KAZN: variants seen among roughly 807,000 people sequenced by gnomAD.
KAZN encodes kazrin.
KAZN carries 40 observed loss-of-function variants against 87.4 expected under a neutral mutation model. The observed-to-expected ratio is 0.46, with a 90% CI of 0.36 to 0.60. The LOEUF is 0.60. Ranked by LOEUF, KAZN falls within the 20% of genes least tolerant of loss-of-function variation. The pLI, the probability that KAZN is intolerant of heterozygous loss-of-function variation, is 0.00. For synonymous variants in KAZN, 466 were observed against 458.3 expected, an observed-to-expected ratio of 1.02 and a Z score of -0.22; for missense variants, 898 against 1,073.9, an observed-to-expected ratio of 0.84 and a Z score of 2.29.
intron 1 of KAZN, among the ~76,000 whole-genome samples, chr1:14,175,306 T>C (rs1814188): frequency 0.13 from 20,527 of 152,168 alleles, 1,512 homozygotes; most frequent in East Asian, 0.33. Context: ...GGTTTCACCG[T>C]GTTAGCCAGG....
chr1:13,900,480 C>A (rs1557708602), intron 1 of KAZN, among the ~76,000 whole-genome samples: 1 of 152,168 alleles, frequency 6.6e-6, no homozygotes, highest in African/African-American at 2.4e-5. Flanking sequence ...GAAGTTCCTA[C>A]AAGTTGCTTA....
chr1:15,001,340 T>C (rs191537103), intron 2 of KAZN, among the ~76,000 whole-genome samples: 44 of 149,772 alleles, frequency 2.9e-4, no homozygotes, highest in African/African-American at 1.1e-3. Flanking sequence ...CTGGGTGTGG[T>C]GACTCACATC....
intron 1 of KAZN, among the ~76,000 whole-genome samples, chr1:14,805,762 A>AAATAAT (rs146219963): frequency 0.027 from 3,796 of 142,922 alleles, 61 homozygotes; most frequent in East Asian, 0.083. Flanking sequence ...CCCCATCTCA[A>AAATAAT]AATAATAATA....
chr1:14,984,723 C>T (rs1215548419), intron 2 of KAZN, among the ~76,000 whole-genome samples: 3 of 152,168 alleles, frequency 2.0e-5, no homozygotes, highest in Non-Finnish European at 4.4e-5. Context: ...AACTAGAGCC[C>T]TTTGTCCTTC....
intron 1 of KAZN, among the ~76,000 whole-genome samples, chr1:14,824,830 G>A (rs1429065545): frequency 6.6e-6 from 1 of 152,170 alleles, no homozygotes; most frequent in Non-Finnish European, 1.5e-5. Flanking sequence ...CTGACACTTG[G>A]TGGCAGAGAA....
At chr1:14,730,115 G>T (rs1318093398) in intron 1 of KAZN, among the ~76,000 whole-genome samples, 1 of 152,054 alleles carries the variant, frequency 6.6e-6, no homozygotes, top group Non-Finnish European at 1.5e-5. Flanking sequence ...ACAGAGTCTA[G>T]CTCTGTTGCC....
chr1:14,584,158 C>A (rs558250193), intron 2 of KAZN, among the ~76,000 whole-genome samples: 1 of 152,248 alleles, frequency 6.6e-6, no homozygotes, highest in Non-Finnish European at 1.5e-5. Context: ...GGTGGGACCA[C>A]CAACCCAGTT....
At chr1:14,630,666 C>T (rs1224259857) in intron 1 of KAZN, among the ~76,000 whole-genome samples, 4 of 152,194 alleles carry the variant, frequency 2.6e-5, no homozygotes, top group Non-Finnish European at 4.4e-5. Flanking sequence ...AAATGTAAGG[C>T]ATGTGCATTA....
intron 1 of KAZN, among the ~76,000 whole-genome samples, chr1:14,056,050 T>C (rs1005611599): frequency 1.3e-5 from 2 of 152,182 alleles, no homozygotes; most frequent in Non-Finnish European, 2.9e-5. Flanking sequence ...ACTCATAATC[T>C]ACCTCCTCCC....
At chr1:14,478,248 A>AGG (rs1364134768) in intron 2 of KAZN, among the ~76,000 whole-genome samples, 2 of 113,024 alleles carry the variant, frequency 1.8e-5, no homozygotes, top group African/African-American at 7.0e-5. Flanking sequence ...AAGGAAGGAA[A>AGG]AGAAGGAAGG....
In KAZN at chr1:14,866,144, G is replaced by A. The variant is rs546129927; in HGVS notation, c.227-94540G>A. On this transcript the variant is annotated intron_variant, in intron 1 of 14. Transcript: ENST00000376030. Reference sequence around the variant, plus strand: ...TCCCAATTCCATGCCCTTTGCACCTGCTGTTCCCTCTGCCTGGAACTCTCT... The same window carrying A: ...TCCCAATTCCATGCCCTTTGCACCTACTGTTCCCTCTGCCTGGAACTCTCT... Among the ~76,000 whole-genome samples the A allele has an allele frequency of 2.0e-5, 3 of 146,748 alleles. No homozygotes were observed. In the Admixed American group the frequency reaches 2.1e-4, roughly 10 times the overall value.
At chr1:14,647,986 A>C (rs12566144) in intron 1 of KAZN, among the ~76,000 whole-genome samples, 14 of 152,186 alleles carry the variant, frequency 9.2e-5, no homozygotes, top group Non-Finnish European at 1.5e-5. Flanking sequence ...CTGTTGCCCA[A>C]CTATCCCAGC....
At chr1:14,988,723 T>C (rs1667071968) in intron 2 of KAZN, among the ~76,000 whole-genome samples, 1 of 152,216 alleles carries the variant, frequency 6.6e-6, no homozygotes, top group South Asian at 2.1e-4. Flanking sequence ...TTTACAAGGA[T>C]GGTCCTTGGC....
chr1:14,055,174 G>A (rs945664265), intron 1 of KAZN, among the ~76,000 whole-genome samples: 1 of 152,160 alleles, frequency 6.6e-6, no homozygotes, highest in African/African-American at 2.4e-5. Flanking sequence ...TAATTTGTAG[G>A]TGTCTCTGTT....
intron 2 of KAZN, among the ~76,000 whole-genome samples, chr1:14,319,755 A>G (rs905957905): frequency 6.6e-6 from 1 of 152,152 alleles, no homozygotes; most frequent in African/African-American, 2.4e-5. Flanking sequence ...CTGTTGCCCA[A>G]TGTCTGAAAA....
intron 1 of KAZN, among the ~76,000 whole-genome samples, chr1:14,676,215 A>G (rs144879279): frequency 1.1e-4 from 17 of 152,348 alleles, no homozygotes; most frequent in South Asian, 2.1e-4. Flanking sequence ...GGGATTACCA[A>G]GAAGATGATC....
intron 6 of KAZN, chr1:15,060,662 T>G: frequency 4.0e-6 from 1 of 250,022 alleles, no homozygotes; most frequent in Non-Finnish European, 7.9e-6. Flanking sequence ...ACCTCCTCAT[T>G]TCCCTTTAGA....
chr1:14,716,620 C>T (rs1248054613), intron 1 of KAZN, among the ~76,000 whole-genome samples: 1 of 152,104 alleles, frequency 6.6e-6, no homozygotes, highest in African/African-American at 2.4e-5. Flanking sequence ...GCAGGTAGCT[C>T]TTGTCATCAA....
intron 2 of KAZN, among the ~76,000 whole-genome samples, chr1:14,193,327 CAG>C (rs1446730135): frequency 1.3e-5 from 2 of 152,070 alleles, no homozygotes; most frequent in African/African-American, 4.8e-5. Context: ...AATTTGGAGA[CAG>C]AGACAAATAT....
Sources: allele counts gnomAD v4.1 joint callset (sites outside exome capture counted in the v4.1 genomes callset), GRCh38; gene constraint gnomAD v4.1.1; transcripts MANE v1.5; gene names NCBI Gene and HGNC (gene_info 2026-07-23, HGNC 2026-07-21).